Variants in LYPD8 observed in about 807,000 individuals in gnomAD.
The protein encoded by LYPD8 is ly6/PLAUR domain-containing protein 8.
Under a neutral mutation model 1.7 loss-of-function variants are expected in LYPD8, and 8 were observed. That is an observed-to-expected ratio of 4.58 (90% confidence interval 2.69 to 8.27). The LOEUF (loss-of-function observed/expected upper bound fraction) is 8.27, where lower values mean the gene tolerates loss of function less well. Ranked by LOEUF, LYPD8 falls within the 30% of genes most tolerant of loss-of-function variation. The pLI, the probability that LYPD8 is intolerant of heterozygous loss-of-function variation, is 0.00. For synonymous variants in LYPD8, 50 were observed against 43.6 expected (o/e 1.15, Z -0.58); for missense variants, 112 against 102.3 (o/e 1.09, Z -0.41).
At chr1:248,743,047 G>A (rs1385212152) in intron 6 of LYPD8, among the ~76,000 whole-genome samples, 1 of 151,638 alleles carries the variant, frequency 6.6e-6, no homozygotes, top group Non-Finnish European at 1.5e-5. Context: ...CTCTGGTGGG[G>A]ATGTTGGCAG....
intron 2 of LYPD8, among the ~76,000 whole-genome samples, chr1:248,754,917 A>G (rs1662898334): frequency 6.6e-6 from 1 of 152,096 alleles, no homozygotes; most frequent in African/African-American, 2.4e-5. Context: ...AAAGAGTTTC[A>G]GGGCCATGGC....
chr1:248,749,395 A>T (rs1662760857), intron 4 of LYPD8, among the ~76,000 whole-genome samples: 1 of 152,230 alleles, frequency 6.6e-6, no homozygotes, highest in Non-Finnish European at 1.5e-5. Flanking sequence ...TGATAACAGT[A>T]TGTGTCTTAG....
chr1:248,741,237 C>A, intron 6 of LYPD8, among the ~76,000 whole-genome samples: 1 of 152,222 alleles, frequency 6.6e-6, no homozygotes, highest in East Asian at 1.9e-4. Context: ...GATGGAGTCT[C>A]GCTCTGTCAT....
intron 2 of LYPD8, among the ~76,000 whole-genome samples, chr1:248,751,785 A>G (rs1278007366): frequency 2.6e-5 from 4 of 152,012 alleles, no homozygotes; most frequent in Non-Finnish European, 5.9e-5. Flanking sequence ...GCCAGCCCAC[A>G]CTCCCTTCCA....
chr1:248,753,604 C>T (rs1662872210), intron 2 of LYPD8, among the ~76,000 whole-genome samples: 9 of 126,864 alleles, frequency 7.1e-5, no homozygotes, highest in Non-Finnish European at 1.0e-4. Flanking sequence ...ACAACACACA[C>T]ACCACACACC....
intron 2 of LYPD8, among the ~76,000 whole-genome samples, chr1:248,752,232 A>G (rs1385878672): frequency 1.3e-5 from 2 of 152,108 alleles, no homozygotes; most frequent in African/African-American, 4.8e-5. Context: ...GGCACAGAAC[A>G]CTTCCATCAT....
In LYPD8 at chr1:248,751,002, TA is replaced by T. The variant is rs1490308309; in HGVS notation, c.52+27del. The T allele has an allele frequency of 4.0e-3, 1,585 of 398,564 alleles. 9 individuals carry two copies. The highest frequency in any genetic ancestry group is 0.024 in the Middle Eastern group (38 of 1,586). The allele number at this position is 398,564 out of a possible 1,614,324, so 24.7% of individuals were successfully genotyped here. A position where few individuals can be genotyped will look rare whatever the true frequency, so the allele number is the denominator to read the frequency against. On this transcript the variant is annotated intron_variant, in intron 3 of 6. Coordinates refer to ENST00000590317, the MANE Select transcript of LYPD8 (RefSeq NM_001085474.2). ...GAGGTGGAAAAGGGGGTCTCCATTCTAAAAAGGGGCCACGTGAGTTCTCTTA... is the reference window on the plus strand; with the variant it reads ...GAGGTGGAAAAGGGGGTCTCCATTCTAAAAGGGGCCACGTGAGTTCTCTTA...
intron 6 of LYPD8, among the ~76,000 whole-genome samples, chr1:248,743,557 G>C (rs1662663065): frequency 1.3e-5 from 2 of 152,180 alleles, no homozygotes; most frequent in African/African-American, 4.8e-5. Context: ...GTTAAACACT[G>C]ATTCATGATG....
At chr1:248,748,645 G>T (rs1026188279) in intron 4 of LYPD8, among the ~76,000 whole-genome samples, 192 bp from the exon 5 acceptor site, 1 of 152,224 alleles carries the variant, frequency 6.6e-6, no homozygotes, top group Admixed American at 6.5e-5. Flanking sequence ...CCCCTCCTTT[G>T]AGCAGGAGGC....
At chr1:248,740,552 C>G (rs1553283211) in intron 6 of LYPD8, among the ~76,000 whole-genome samples, 2 of 152,256 alleles carry the variant, frequency 1.3e-5, no homozygotes, top group African/African-American at 2.4e-5. Flanking sequence ...TTCAAACAGC[C>G]CTGGAGACAG....
intron 3 of LYPD8, 79 bp downstream of exon 3, chr1:248,750,951 G>A (rs907451037): frequency 2.5e-5 from 10 of 398,456 alleles, no homozygotes; most frequent in Non-Finnish European, 4.0e-5. Flanking sequence ...AGGCCCTCGG[G>A]GATTTGAGAG....
At chr1:248,752,493 A>G (rs939156514) in intron 2 of LYPD8, among the ~76,000 whole-genome samples, 2 of 147,552 alleles carry the variant, frequency 1.4e-5, no homozygotes, top group Non-Finnish European at 3.0e-5. Flanking sequence ...CATGCACATC[A>G]CCCCCCACAC....
At chr1:248,753,114 A>ATC (rs1662849913) in intron 2 of LYPD8, among the ~76,000 whole-genome samples, 1 of 75,560 alleles carries the variant, frequency 1.3e-5, no homozygotes, top group African/African-American at 4.3e-5. Flanking sequence ...CACCACACAC[A>ATC]ACACACACAA....
chr1:248,754,730 G>C (rs1280193214), intron 2 of LYPD8, among the ~76,000 whole-genome samples: 1 of 152,170 alleles, frequency 6.6e-6, no homozygotes, highest in African/African-American at 2.4e-5. Context: ...GCCCATACAT[G>C]ATGCCAATGA....
rs561215333 is a variant in LYPD8, at chr1:248,739,627, C to T, written c.698G>A (p.Arg233Gln). The T allele has an allele frequency of 8.4e-6, 13 of 1,551,524 alleles. No individual in the cohort carries two copies. The Middle Eastern group carries it at 5.1e-4, about 61-fold the overall frequency. Residue 233 changes from arginine (R) to glutamine (Q), a missense_variant, in exon 7 of 7, where the codon CGG (arginine) becomes CAG (glutamine). By Grantham distance (43) the Arg-to-Gln change is conservative. Transcript: ENST00000590317. The surrounding 1 kb of genome is among the most constrained non-coding windows in gnomAD (Gnocchi z 4.3). ...YLLALASLLLRGLLP is the reference protein window; with the variant it reads ...YLLALASLLLQGLLP The stretch of plus-strand genomic sequence containing the variant: ...CCCAGGACCTCAGGGCAGCAGTCCC[C>T]GAAGAAGGAGGCTGGCAAGGGCCAA...
intron 2 of LYPD8, among the ~76,000 whole-genome samples, chr1:248,752,965 CA>C (rs1558208774): frequency 5.7e-3 from 655 of 114,398 alleles, no homozygotes; most frequent in East Asian, 0.017. Context: ...CCAAACACCC[CA>C]CACAACACAC....
In LYPD8 at chr1:248,745,288, G is replaced by A. The variant is rs1387057479; in HGVS notation, c.338-9C>T. ...GTTCTTCAGGGGAGGGTCTGGAAGAGTCAGAGTCATTACTCAGGACAGTGT... is the reference window on the plus strand; with the variant it reads ...GTTCTTCAGGGGAGGGTCTGGAAGAATCAGAGTCATTACTCAGGACAGTGT... On this transcript the variant is annotated splice_polypyrimidine_tract_variant and intron_variant, in intron 5 of 6. Coordinates refer to ENST00000590317, the MANE Select transcript of LYPD8 (RefSeq NM_001085474.2). 5 of 398,462 alleles carry A rather than the reference G, an allele frequency of 1.3e-5. No homozygotes were observed. The highest frequency in any genetic ancestry group is 2.1e-5 in the African/African-American group (1 of 48,622). The allele number at this position is 398,462 out of a possible 1,614,324, so 24.7% of individuals were successfully genotyped here.
In LYPD8 at chr1:248,739,453, A is replaced by G. The variant is rs1662542389; in HGVS notation, c.*158T>C. ...TGAACCAGTGCTTTAATAATGAAGA[A>G]CAAGGCAGCTGTCGGCATTGCCTGG... On this transcript the variant is annotated 3_prime_UTR_variant, in exon 7 of 7. Coordinates refer to ENST00000590317, the MANE Select transcript of LYPD8 (RefSeq NM_001085474.2). The surrounding 1 kb of genome is among the most constrained non-coding windows in gnomAD (Gnocchi z 4.3). 1 of 974,174 alleles carries G rather than the reference A, an allele frequency of 1.0e-6. No individual in the cohort carries two copies. Among genetic ancestry groups the G allele is most frequent in the Non-Finnish European group, 1.5e-6 (1 of 669,854 alleles). 60.3% of individuals were successfully genotyped at this position (974,174 alleles called of 1,614,324 possible).
chr1:248,752,082 G>C (rs1011003442), intron 2 of LYPD8, among the ~76,000 whole-genome samples: 2 of 152,058 alleles, frequency 1.3e-5, no homozygotes, highest in African/African-American at 4.8e-5. Context: ...CCCTATACAC[G>C]GTCGCTGTGA....
Sources: allele counts gnomAD v4.1 joint callset (sites outside exome capture counted in the v4.1 genomes callset), GRCh38; gene constraint gnomAD v4.1.1; non-coding constraint Gnocchi (gnomAD v3.1); transcripts MANE v1.5; gene names NCBI Gene and HGNC (gene_info 2026-07-23, HGNC 2026-07-21).